ELAVL3: variants seen among roughly 807,000 people sequenced by gnomAD.
The protein encoded by ELAVL3 is ELAV like RNA binding protein 3.
Under a neutral mutation model 34.2 loss-of-function variants are expected in ELAVL3, and 8 were observed. That is an observed-to-expected ratio of 0.23 (90% CI 0.14 to 0.42). The LOEUF is 0.42. Ranked by LOEUF, ELAVL3 falls within the 10% of genes least tolerant of loss-of-function variation. ELAVL3 has a pLI of 1.00. For missense variants in ELAVL3, 273 were observed against 518.8 expected, an observed-to-expected ratio of 0.53 and a Z score of 4.60; for synonymous variants, 209 against 222.1, an observed-to-expected ratio of 0.94 and a Z score of 0.53.
At position 11,457,192 on chromosome 19, in the gene ELAVL3, C is replaced by G. The variant is rs746612360; in HGVS notation, c.714-44G>C. The G allele has an allele frequency of 5.9e-6, 9 of 1,534,084 alleles. No homozygotes were observed. In the Admixed American group the frequency reaches 1.5e-4, roughly 25 times the overall value. On this transcript the variant is annotated intron_variant, in intron 5 of 6. Coordinates refer to ENST00000359227, the MANE Select transcript of ELAVL3 (RefSeq NM_001420.4). Reference sequence around the variant, plus strand: ...TGGTCAGAGGTGGCTTCCAGTCACGCCCCCCTGCTGTGACACCGTCGGCCT... The same window carrying G: ...TGGTCAGAGGTGGCTTCCAGTCACGGCCCCCTGCTGTGACACCGTCGGCCT...
At chr19:11,457,342 G>A (rs1333088208) in intron 5 of ELAVL3, among the ~76,000 whole-genome samples, 194 bp from the exon 6 acceptor site, 1 of 152,056 alleles carries the variant, frequency 6.6e-6, no homozygotes, top group Admixed American at 6.6e-5. Flanking sequence ...CCTCTCGCCT[G>A]CCCCACCGCT....
At chr19:11,477,786 G>A (rs924090111) in intron 1 of ELAVL3, among the ~76,000 whole-genome samples, 4 of 149,946 alleles carry the variant, frequency 2.7e-5, no homozygotes, top group Non-Finnish European at 5.9e-5. Context: ...TCTGCCTCCC[G>A]GGTTCAGGCA....
chr19:11,469,579 C>G (rs939742637), intron 1 of ELAVL3, among the ~76,000 whole-genome samples: 5 of 152,070 alleles, frequency 3.3e-5, no homozygotes, highest in African/African-American at 9.7e-5. Context: ...CGTGCCCAGC[C>G]GTTAATTGAT....
At chr19:11,469,293 G>T (rs752809783) in intron 1 of ELAVL3, among the ~76,000 whole-genome samples, 7 of 151,410 alleles carry the variant, frequency 4.6e-5, no homozygotes, top group Non-Finnish European at 1.0e-4. Flanking sequence ...TTTTGCGCGG[G>T]AGGGGGGACG....
chr19:11,464,981 CCA>C (rs368923283), intron 3 of ELAVL3, among the ~76,000 whole-genome samples: 3,251 of 125,124 alleles, frequency 0.026, 113 homozygotes, highest in African/African-American at 0.077. Flanking sequence ...CACACATACA[CCA>C]CACACACACC....
chr19:11,471,079 G>A (rs530771981), intron 1 of ELAVL3, among the ~76,000 whole-genome samples: 3 of 152,092 alleles, frequency 2.0e-5, no homozygotes, highest in South Asian at 2.1e-4. Flanking sequence ...TTGGGAGGCC[G>A]AGGTGGGCGG....
intron 3 of ELAVL3, among the ~76,000 whole-genome samples, chr19:11,459,652 G>A (rs311781): frequency 0.33 from 50,008 of 151,352 alleles, 11,991 homozygotes; most frequent in African/African-American, 0.68. Flanking sequence ...GCCTCAAGCA[G>A]TTCTCCCATC....
chr19:11,454,825 C>G lies in ELAVL3; in HGVS notation c.805G>C (p.Gly269Arg). The G allele has an allele frequency of 6.2e-7, 1 of 1,609,802 alleles. No homozygotes were observed. The highest frequency in any genetic ancestry group is 8.5e-7 in the Non-Finnish European group (1 of 1,178,894). The change falls in exon 7 of 7, where the codon GGC becomes CGC. Residue 269 changes from glycine to arginine, a missense_variant. This residue lies in a region of ELAVL3 where 79 missense variants were observed against 108.2 expected (regional missense o/e 0.73). Coordinates refer to ENST00000359227, the MANE Select transcript of ELAVL3 (RefSeq NM_001420.4). This position sits in a 1 kb window ranked among gnomAD's most constrained non-coding sequence, Gnocchi z 9.2. ...FSPIAIDGMS[G>R]LAGVGLSGGA... ...CCCGACAGGCCCACGCCCGCCAGGC[C>G]GCTCATACCATCGATGGCGATCGGC...
At chr19:11,476,358 G>A (rs1270012498) in intron 1 of ELAVL3, among the ~76,000 whole-genome samples, 1 of 152,096 alleles carries the variant, frequency 6.6e-6, no homozygotes, top group East Asian at 1.9e-4. Flanking sequence ...GGGCAACACA[G>A]TGAGATCTTG....
At chr19:11,464,069 A>G (rs916909365) in intron 3 of ELAVL3, among the ~76,000 whole-genome samples, 3 of 148,850 alleles carry the variant, frequency 2.0e-5, no homozygotes, top group Admixed American at 2.0e-4. Context: ...TGCACTTGAC[A>G]GCAGCCTCTC....
chr19:11,478,291 C>T (rs1971300595), intron 1 of ELAVL3, among the ~76,000 whole-genome samples: 1 of 152,170 alleles, frequency 6.6e-6, no homozygotes, highest in Admixed American at 6.6e-5. Context: ...GCCTAGCCTG[C>T]TAATCTGGCC....
At chr19:11,471,822 A>G (rs1341593574) in intron 1 of ELAVL3, among the ~76,000 whole-genome samples, 1 of 152,160 alleles carries the variant, frequency 6.6e-6, no homozygotes, top group Non-Finnish European at 1.5e-5. Flanking sequence ...GTCTTTGGAT[A>G]TGCCTGCTAG....
In ELAVL3 at chr19:11,480,480, C is replaced by A. The variant is rs937845974; in HGVS notation, c.9+120G>T. ...GGCCCCGAGGCTTGGTCCTACCCCC[C>A]CAACCCGGGCCTAGCTAGGCCTGGT... is the stretch of plus-strand genomic sequence containing the variant. On this transcript the variant is annotated intron_variant, in intron 1 of 6. Transcript: ENST00000359227. The surrounding 1 kb of genome is among the most constrained non-coding windows in gnomAD (Gnocchi z 6.8). 14 of 1,218,760 alleles carry A rather than the reference C, an allele frequency of 1.1e-5. No homozygotes were observed. The highest frequency in any genetic ancestry group is 3.0e-4 in the Middle Eastern group (1 of 3,324). The allele number at this position is 1,218,760 out of a possible 1,614,324, so 75.5% of individuals were successfully genotyped here. A position where few individuals can be genotyped will look rare whatever the true frequency, so the allele number is the denominator to read the frequency against.
Position 11,459,614 on chromosome 19 carries a change from T to G in ELAVL3, c.334-1003A>C, listed in dbSNP as rs535867377. 1.6e-3 allele frequency among the ~76,000 whole-genome samples: 239 copies of G among 146,162 alleles called. 1 individual carries two copies. Among genetic ancestry groups the G allele is most frequent in the African/African-American group, 6.0e-3 (224 of 37,438 alleles). On this transcript the variant is annotated intron_variant, in intron 3 of 6. Coordinates refer to ENST00000359227, the MANE Select transcript of ELAVL3 (RefSeq NM_001420.4). ...TTTTTGTAGAAACAGGATCTCACTG[T>G]GTTACCTAGGCTGGTATTGAACTTC... is the stretch of plus-strand genomic sequence containing the variant.
chr19:11,458,300 G>A lies in ELAVL3; in HGVS notation c.488-14C>T, dbSNP rs759532461. On this transcript the variant is annotated splice_polypyrimidine_tract_variant and intron_variant, in intron 4 of 6. Coordinates refer to ENST00000359227, the MANE Select transcript of ELAVL3 (RefSeq NM_001420.4). The surrounding 1 kb of genome is among the most constrained non-coding windows in gnomAD (Gnocchi z 7.3). ...CCCGAGAGACACCTGCCAGGGGGCAGGGATGTCCATCACGACGACCCTGTC... is the reference window on the plus strand; with the variant it reads ...CCCGAGAGACACCTGCCAGGGGGCAAGGATGTCCATCACGACGACCCTGTC... The A allele has an allele frequency of 2.4e-5, 38 of 1,612,656 alleles. No individual in the cohort carries two copies. In the Admixed American group the frequency reaches 5.0e-4, roughly 21 times the overall value.
chr19:11,478,778 T>C lies in ELAVL3; in HGVS notation c.9+1822A>G, dbSNP rs1012433004. ...CAGTGAACACACCTGAGGCCACTTT[T>C]TTCTTAAAACCTCCTGTGTCTGACC... On this transcript the variant is annotated intron_variant, in intron 1 of 6. Transcript: ENST00000359227. 1.1e-4 allele frequency among the ~76,000 whole-genome samples: 17 copies of C among 152,254 alleles called. No homozygotes were observed. The Middle Eastern group carries it at 0.014, about 122-fold the overall frequency.
chr19:11,462,726 AG>A (rs569569494), intron 3 of ELAVL3, among the ~76,000 whole-genome samples: 1 of 151,780 alleles, frequency 6.6e-6, no homozygotes, highest in Non-Finnish European at 1.5e-5. Flanking sequence ...GGGAGGCTTG[AG>A]GGGGGTGGAT....
rs1555732405 is a variant in ELAVL3 at position 11,464,131 on chromosome 19, C to CTCTCTG, written c.333+2040_333+2041insCAGAGA. On this transcript the variant is annotated intron_variant, in intron 3 of 6. Transcript: ENST00000359227. ...TCTCTCTGTCTCTCTCTGTCTCTCT[C>CTCTCTG]TCTCTCTCTCTCTCTCTCTCTATAT... is the stretch of plus-strand genomic sequence containing the variant. Among the ~76,000 whole-genome samples, 286 of 101,110 alleles carry CTCTCTG rather than the reference C, an allele frequency of 2.8e-3. 1 individual carries two copies. Among genetic ancestry groups the CTCTCTG allele is most frequent in the East Asian group, 0.011 (36 of 3,338 alleles). The allele number at this position is 101,110 out of a possible 152,430, so 66.3% of individuals were successfully genotyped here.
intron 3 of ELAVL3, among the ~76,000 whole-genome samples, chr19:11,463,935 A>G (rs1034198249): frequency 6.6e-6 from 1 of 151,274 alleles, no homozygotes; most frequent in African/African-American, 2.4e-5. Context: ...CGCCATTGCA[A>G]TCCAGCCTGG....
Sources: gnomAD v4.1 joint callset for allele counts (sites outside exome capture counted in the v4.1 genomes callset) on GRCh38, gnomAD v4.1.1 for gene constraint, gnomAD v4.1.1 regional missense constraint, Gnocchi (gnomAD v3.1) non-coding constraint, MANE v1.5 for transcripts, NCBI Gene and HGNC (gene_info 2026-07-23, HGNC 2026-07-21) for gene names.